LRRC8D: variants seen among roughly 807,000 people sequenced by gnomAD.
The protein encoded by LRRC8D is volume-regulated anion channel subunit LRRC8D.
Under a neutral mutation model 55.8 loss-of-function variants are expected in LRRC8D, and 20 were observed. That is an observed-to-expected ratio of 0.36 (90% confidence interval 0.25 to 0.52). The LOEUF (loss-of-function observed/expected upper bound fraction) is 0.52, where lower values mean the gene tolerates loss of function less well. Ranked by LOEUF, LRRC8D falls within the 20% of genes least tolerant of loss-of-function variation. LRRC8D has a pLI of 0.93. For missense variants in LRRC8D, 651 were observed against 1,030.8 expected (o/e 0.63, Z 5.05); for synonymous variants, 352 against 377.0 (o/e 0.93, Z 0.77).
chr1:89,909,069 A>G (rs760372486), intron 2 of LRRC8D, among the ~76,000 whole-genome samples: 5 of 152,002 alleles, frequency 3.3e-5, no homozygotes, highest in Non-Finnish European at 5.9e-5. Context: ...TGAAATTCCC[A>G]TGATGCTGCC....
intron 2 of LRRC8D, among the ~76,000 whole-genome samples, chr1:89,864,917 C>T (rs550100892): frequency 6.6e-6 from 1 of 152,280 alleles, no homozygotes. Flanking sequence ...CACTTTTTCC[C>T]CTTCTGCTCC....
At chr1:89,837,834 A>G (rs1286974922) in intron 1 of LRRC8D, among the ~76,000 whole-genome samples, 1 of 152,216 alleles carries the variant, frequency 6.6e-6, no homozygotes, top group Non-Finnish European at 1.5e-5. Flanking sequence ...TGAAATTTAA[A>G]GTATCTAATT....
chr1:89,913,349 A>G (rs1663179993), intron 2 of LRRC8D, among the ~76,000 whole-genome samples: 1 of 152,236 alleles, frequency 6.6e-6, no homozygotes, highest in Admixed American at 6.5e-5. Flanking sequence ...AGTAGTTATC[A>G]TAGAAATGGA....
intron 1 of LRRC8D, chr1:89,842,966 C>A (rs901628783): frequency 5.3e-5 from 8 of 151,962 alleles, no homozygotes; most frequent in Admixed American, 5.2e-4. Context: ...CTAGGAGGAA[C>A]CGAGGATACT....
intron 2 of LRRC8D, among the ~76,000 whole-genome samples, chr1:89,899,494 T>C (rs1662795243): frequency 2.6e-5 from 4 of 152,248 alleles, no homozygotes; most frequent in Admixed American, 2.6e-4. Context: ...ATGTAATTCA[T>C]GTCCACCAGA....
At chr1:89,860,809 T>TATATATATATATATATATATACAC (rs970678615) in intron 2 of LRRC8D, among the ~76,000 whole-genome samples, 2 of 105,558 alleles carry the variant, frequency 1.9e-5, no homozygotes, top group African/African-American at 7.6e-5. Flanking sequence ...TATATATATA[T>TATATATATATATATATATATACAC]ACACACACAG....
At chr1:89,917,537 ATTC>A (rs1663306258) in intron 2 of LRRC8D, among the ~76,000 whole-genome samples, 1 of 152,022 alleles carries the variant, frequency 6.6e-6, no homozygotes, top group Non-Finnish European at 1.5e-5. Flanking sequence ...TTCTCTGGTC[ATTC>A]TTTGTTCCCC....
intron 2 of LRRC8D, among the ~76,000 whole-genome samples, chr1:89,846,971 C>G (rs904651261): frequency 1.1e-4 from 17 of 152,168 alleles, no homozygotes; most frequent in African/African-American, 3.1e-4. Flanking sequence ...CCCACTACTG[C>G]TGCCACTGTG....
rs141058707 is a variant in LRRC8D, at chr1:89,847,482, A to G, written c.-3+3700A>G. ...CCTTTTCTGTCTGTCGGTGAGTTGC[A>G]GTGGCTTGTGAACCAGCCGTGCATC... On this transcript the variant is annotated intron_variant, in intron 2 of 2. Transcript: ENST00000337338. 6.1e-3 allele frequency among the ~76,000 whole-genome samples: 929 copies of G among 152,264 alleles called. 5 individuals carry two copies. The highest frequency in any genetic ancestry group is 0.022 in the African/African-American group (897 of 41,552).
intron 2 of LRRC8D, among the ~76,000 whole-genome samples, chr1:89,922,058 T>C (rs1027523072): frequency 6.6e-6 from 1 of 152,074 alleles, no homozygotes; most frequent in Non-Finnish European, 1.5e-5. Flanking sequence ...TTGCCACCTC[T>C]TCATATAATT....
At chr1:89,912,351 C>A (rs531389053) in intron 2 of LRRC8D, among the ~76,000 whole-genome samples, 1 of 152,152 alleles carries the variant, frequency 6.6e-6, no homozygotes, top group Non-Finnish European at 1.5e-5. Flanking sequence ...ATTGAACTTT[C>A]CCTGAGTTGT....
chr1:89,850,899 C>T (rs1354285152), intron 2 of LRRC8D, among the ~76,000 whole-genome samples: 1 of 152,076 alleles, frequency 6.6e-6, no homozygotes, highest in Admixed American at 6.5e-5. Flanking sequence ...AGATTCCTTG[C>T]CCTTATTTGT....
At chr1:89,901,184 G>A (rs1268052076) in intron 2 of LRRC8D, among the ~76,000 whole-genome samples, 1 of 152,166 alleles carries the variant, frequency 6.6e-6, no homozygotes, top group Non-Finnish European at 1.5e-5. Context: ...AGAGCCTGCA[G>A]GCCTTTCACG....
At chr1:89,830,839 T>G (rs1260492444) in intron 1 of LRRC8D, among the ~76,000 whole-genome samples, 1 of 152,070 alleles carries the variant, frequency 6.6e-6, no homozygotes, top group Non-Finnish European at 1.5e-5. Flanking sequence ...TTTAGGCCCT[T>G]AGAGATAGCC....
chr1:89,908,248 A>T (rs770089025), intron 2 of LRRC8D, among the ~76,000 whole-genome samples: 39 of 152,154 alleles, frequency 2.6e-4, no homozygotes, highest in Non-Finnish European at 5.0e-4. Flanking sequence ...GTCTGTTGTT[A>T]TTTCTGTGTA....
At chr1:89,857,777 A>T (rs1456392414) in intron 2 of LRRC8D, among the ~76,000 whole-genome samples, 2 of 152,224 alleles carry the variant, frequency 1.3e-5, no homozygotes, top group East Asian at 3.8e-4. Context: ...GAATCAGTCT[A>T]CCCTGTGGTT....
chr1:89,910,988 T>C (rs1302953858), intron 2 of LRRC8D, among the ~76,000 whole-genome samples: 2 of 152,216 alleles, frequency 1.3e-5, no homozygotes, highest in African/African-American at 4.8e-5. Context: ...CTAGCCGCTG[T>C]AGGTCACTGA....
intron 1 of LRRC8D, among the ~76,000 whole-genome samples, chr1:89,824,229 G>GC (rs1660712320): frequency 6.6e-6 from 1 of 152,128 alleles, no homozygotes; most frequent in Non-Finnish European, 1.5e-5. Context: ...CTCAGAATAG[G>GC]TCTTGAAGGG....
rs755311494 is a variant in LRRC8D, at chr1:89,935,763, CAGAG to C, written c.*121_*124del. On this transcript the variant is annotated 3_prime_UTR_variant, in exon 3 of 3. Transcript: ENST00000337338. ...AGTAGATACATCTTTTAAAATAAAA[CAGAG>C]AGGATGCATAGAAGGCTGATAGAAG... 8.7e-5 allele frequency: 75 copies of C among 862,710 alleles called. No homozygotes were observed. The East Asian group carries it at 9.7e-4, about 11-fold the overall frequency. The allele number at this position is 862,710 out of a possible 1,614,324, so 53.4% of individuals were successfully genotyped here.
Sources: gnomAD v4.1 joint callset for allele counts (sites outside exome capture counted in the v4.1 genomes callset) on GRCh38, gnomAD v4.1.1 for gene constraint, MANE v1.5 for transcripts, NCBI Gene and HGNC (gene_info 2026-07-23, HGNC 2026-07-21) for gene names.